WWOX: variants seen among roughly 807,000 people sequenced by gnomAD.
WWOX encodes WW domain-containing oxidoreductase.
Under a neutral mutation model 46.2 loss-of-function variants are expected in WWOX, and 69 were observed. The ratio of observed to expected loss-of-function variants is 1.49; its 90% CI spans 1.23 to 1.82. The LOEUF (loss-of-function observed/expected upper bound fraction) is 1.82, where lower values mean the gene tolerates loss of function less well. Ranked by LOEUF, WWOX falls within the 40% of genes most tolerant of loss-of-function variation. The pLI is 0.00. For synonymous variants in WWOX, 359 were observed against 202.6 expected, an observed-to-expected ratio of 1.77 and a Z score of -6.56; for missense variants, 919 against 542.6, an observed-to-expected ratio of 1.69 and a Z score of -6.89.
At chr16:78,694,686 G>C (rs981907415) in intron 8 of WWOX, among the ~76,000 whole-genome samples, 2 of 152,198 alleles carry the variant, frequency 1.3e-5, no homozygotes, top group African/African-American at 4.8e-5. Flanking sequence ...ACCATGAAAA[G>C]ACAGAAGCAT....
intron 8 of WWOX, among the ~76,000 whole-genome samples, chr16:79,072,288 AC>A (rs2048566213): frequency 1.3e-5 from 2 of 151,876 alleles, no homozygotes; most frequent in African/African-American, 4.8e-5. Flanking sequence ...TGTCCCCCCA[AC>A]CCCCCAAAAA....
intron 8 of WWOX, among the ~76,000 whole-genome samples, chr16:79,015,919 T>G (rs1214226498): frequency 2.0e-5 from 3 of 152,000 alleles, no homozygotes; most frequent in Non-Finnish European, 4.4e-5. Flanking sequence ...CACAGCTAAT[T>G]TTAGTATTTT....
chr16:78,842,653 C>T (rs997844465), intron 8 of WWOX, among the ~76,000 whole-genome samples: 1 of 152,036 alleles, frequency 6.6e-6, no homozygotes, highest in East Asian at 1.9e-4. Flanking sequence ...TGCTGGAGCT[C>T]AGGAGTTTGA....
At chr16:78,803,948 A>C (rs1420204739) in intron 8 of WWOX, among the ~76,000 whole-genome samples, 2 of 152,114 alleles carry the variant, frequency 1.3e-5, no homozygotes, top group African/African-American at 4.8e-5. Context: ...GTGGTACTTC[A>C]TGATCTTGGA....
chr16:78,990,383 A>T (rs1051071589), intron 8 of WWOX, among the ~76,000 whole-genome samples: 1 of 152,092 alleles, frequency 6.6e-6, no homozygotes, highest in Non-Finnish European at 1.5e-5. Context: ...AGGAGCCTCA[A>T]CTGTTCTCTG....
intron 8 of WWOX, among the ~76,000 whole-genome samples, chr16:79,009,430 G>C (rs559029735): frequency 3.3e-5 from 5 of 152,142 alleles, no homozygotes; most frequent in African/African-American, 1.2e-4. Flanking sequence ...GGCAAAAGGA[G>C]ACACTGGGGC....
chr16:79,066,616 G>A (rs897037355), intron 8 of WWOX, among the ~76,000 whole-genome samples: 1 of 152,226 alleles, frequency 6.6e-6, no homozygotes, highest in Admixed American at 6.5e-5. Flanking sequence ...GGCAAGGCCA[G>A]CAGAACTGAA....
intron 8 of WWOX, among the ~76,000 whole-genome samples, chr16:79,168,316 C>T (rs1185405543): frequency 6.6e-6 from 1 of 152,208 alleles, no homozygotes; most frequent in Non-Finnish European, 1.5e-5. Flanking sequence ...CTGCTATCCA[C>T]AGTGGCTGCC....
chr16:79,003,396 T>A (rs539132847), intron 8 of WWOX, among the ~76,000 whole-genome samples: 16 of 152,222 alleles, frequency 1.1e-4, no homozygotes, highest in South Asian at 4.1e-4. Flanking sequence ...CCTCCCATTA[T>A]CACCGTGAGG....
At chr16:78,945,606 G>A (rs989165090) in intron 8 of WWOX, among the ~76,000 whole-genome samples, 1 of 152,028 alleles carries the variant, frequency 6.6e-6, no homozygotes, top group African/African-American at 2.4e-5. Context: ...GTTGGCTTAT[G>A]TTCGCTGCTT....
intron 8 of WWOX, among the ~76,000 whole-genome samples, chr16:78,553,585 T>A (rs190778589): frequency 6.6e-6 from 1 of 152,116 alleles, no homozygotes; most frequent in South Asian, 2.1e-4. Context: ...AAAGAAAGCC[T>A]ACAAGGGAGC....
chr16:78,729,264 C>T (rs1378653938), intron 8 of WWOX, among the ~76,000 whole-genome samples: 1 of 151,798 alleles, frequency 6.6e-6, no homozygotes, highest in East Asian at 1.9e-4. Context: ...ATTGCTTAAG[C>T]CTGGGAGATT....
chr16:78,120,397 C>T (rs1439876530), intron 4 of WWOX, among the ~76,000 whole-genome samples: 2 of 151,892 alleles, frequency 1.3e-5, no homozygotes, highest in Non-Finnish European at 2.9e-5. Flanking sequence ...GGTGAAACCC[C>T]GTCTCTACTA....
At chr16:78,548,459 G>C (rs2044099497) in intron 8 of WWOX, among the ~76,000 whole-genome samples, 1 of 152,124 alleles carries the variant, frequency 6.6e-6, no homozygotes, top group Non-Finnish European at 1.5e-5. Flanking sequence ...TCCTATCCCT[G>C]AATTTAGGGG....
intron 8 of WWOX, among the ~76,000 whole-genome samples, chr16:78,707,367 G>A (rs1244711427): frequency 6.6e-6 from 1 of 152,124 alleles, no homozygotes; most frequent in Non-Finnish European, 1.5e-5. Context: ...TAAGACATTG[G>A]CCATGCGTCC....
At position 78,328,555 on chromosome 16, in the gene WWOX, C is replaced by G. The variant is rs534559745; in HGVS notation, c.517-58305C>G. ...AAGGGTTAGTACTTTATTCTTGCAA[C>G]AAGTATTTATTGTAGGCCTGTATTC... On this transcript the variant is annotated intron_variant, in intron 5 of 8. Transcript: ENST00000566780. Among the ~76,000 whole-genome samples the G allele has an allele frequency of 2.6e-5, 4 of 152,210 alleles. No individual in the cohort carries two copies. In the South Asian group the frequency reaches 8.3e-4, roughly 32 times the overall value.
chr16:79,099,672 A>T (rs1368349087), intron 8 of WWOX, among the ~76,000 whole-genome samples: 1 of 152,060 alleles, frequency 6.6e-6, no homozygotes, highest in Non-Finnish European at 1.5e-5. Flanking sequence ...TTCTGTTTTT[A>T]ACATATTGCA....
chr16:78,942,029 C>G (rs1173741788), intron 8 of WWOX, among the ~76,000 whole-genome samples: 1 of 152,150 alleles, frequency 6.6e-6, no homozygotes, highest in Non-Finnish European at 1.5e-5. Context: ...TTCTTTCCCA[C>G]TCTCTACCTC....
intron 8 of WWOX, among the ~76,000 whole-genome samples, chr16:79,127,602 A>G (rs1232701388): frequency 6.6e-6 from 1 of 152,210 alleles, no homozygotes; most frequent in Non-Finnish European, 1.5e-5. Context: ...TCCCACGTGC[A>G]TGCATGTATT....
Sources: gnomAD v4.1 joint callset for allele counts (sites outside exome capture counted in the v4.1 genomes callset) on GRCh38, gnomAD v4.1.1 for gene constraint, MANE v1.5 for transcripts, NCBI Gene and HGNC (gene_info 2026-07-23, HGNC 2026-07-21) for gene names.